The following PALLD variants were observed in gnomAD, a reference collection of about 807,000 sequenced individuals.
PALLD encodes the protein palladin.
PALLD carries 61 observed loss-of-function variants against 123.5 expected under a neutral mutation model. The ratio of observed to expected loss-of-function variants is 0.49; its 90% CI spans 0.40 to 0.61. The LOEUF (loss-of-function observed/expected upper bound fraction) is 0.61, where lower values mean the gene tolerates loss of function less well. Among genes scored for constraint, PALLD ranks in the 20% least tolerant of loss-of-function variants. The probability of loss-of-function intolerance (pLI) is 0.00; values close to 1 mark genes in which losing one functional copy is unlikely to be tolerated. For missense variants in PALLD, 1,273 were observed against 1,377.0 expected, an observed-to-expected ratio of 0.92 and a Z score of 1.20; for synonymous variants, 465 against 496.4, an observed-to-expected ratio of 0.94 and a Z score of 0.84.
chr4:168,877,742 C>A (rs1751951183), intron 10 of PALLD: 1 of 1,160,094 alleles, frequency 8.6e-7, no homozygotes, highest in East Asian at 4.4e-5. Context: ...GAAGCTCCAG[C>A]AACTCCAGAA....
chr4:168,915,951 T>A lies in PALLD; in HGVS notation c.2774T>A (p.Phe925Tyr). The change falls in exon 17 of 22, where the codon TTC becomes TAC. Residue 925 changes from phenylalanine (F) to tyrosine (Y), a missense_variant. Transcript: ENST00000505667. ...GDENEPIQER[F>Y]FRPHFLQAPG... ...GAAAATGAACCAATTCAGGAGCGAT[T>A]CTTCAGACCTCACTTCTTGCAGGCT... 6.2e-7 allele frequency: 1 copy of A among 1,613,130 alleles called. No homozygotes were observed. The highest frequency in any genetic ancestry group is 1.7e-5 in the Admixed American group (1 of 60,028).
At chr4:168,809,232 GA>G (rs1436717920) in intron 10 of PALLD, among the ~76,000 whole-genome samples, 1 of 152,094 alleles carries the variant, frequency 6.6e-6, no homozygotes, top group African/African-American at 2.4e-5. Flanking sequence ...TCTAGCTTCT[GA>G]GAAATTCCCT....
chr4:168,533,312 A>G (rs1764774013), intron 2 of PALLD, among the ~76,000 whole-genome samples: 6 of 152,160 alleles, frequency 3.9e-5, no homozygotes, highest in African/African-American at 1.4e-4. Flanking sequence ...GCTGTTACCT[A>G]ATTAGAATGT....
intron 20 of PALLD, 65 bp from the exon 21 acceptor site, chr4:168,925,148 CAAATCACATTACTCTTTATA>C: frequency 6.3e-7 from 1 of 1,585,034 alleles, no homozygotes; most frequent in Non-Finnish European, 8.7e-7. Flanking sequence ...ATCTGGACAG[CAAATCACATTACTCTTTATA>C]AACAACTATT....
chr4:168,878,275 G>T, intron 10 of PALLD: 1 of 1,526,118 alleles, frequency 6.6e-7, no homozygotes, highest in South Asian at 1.2e-5. Flanking sequence ...ACTGCTCGTC[G>T]CCTGCCACCC....
intron 8 of PALLD, among the ~76,000 whole-genome samples, chr4:168,706,407 G>A (rs986944835): frequency 6.6e-6 from 1 of 152,104 alleles, no homozygotes; most frequent in Admixed American, 6.5e-5. Context: ...GAAAGAATAA[G>A]GTGTGTGTTT....
chr4:168,666,816 G>A (rs1376929413), intron 2 of PALLD, among the ~76,000 whole-genome samples: 1 of 152,138 alleles, frequency 6.6e-6, no homozygotes, highest in Middle Eastern at 3.2e-3. Context: ...GATGGGTGAG[G>A]ATCTGGACTG....
At chr4:168,651,635 C>A (rs1246186974) in intron 2 of PALLD, among the ~76,000 whole-genome samples, 1 of 152,120 alleles carries the variant, frequency 6.6e-6, no homozygotes, top group Non-Finnish European at 1.5e-5. Flanking sequence ...AACCTCTAAT[C>A]CCAGCAGAAT....
intron 10 of PALLD, among the ~76,000 whole-genome samples, chr4:168,726,855 A>G (rs548473341): frequency 1.3e-5 from 2 of 152,182 alleles, no homozygotes; most frequent in African/African-American, 2.4e-5. Flanking sequence ...TCCAATAGGT[A>G]GTTTTTCAAC....
At chr4:168,893,042 A>T (rs1754396992) in intron 11 of PALLD, among the ~76,000 whole-genome samples, 2 of 152,146 alleles carry the variant, frequency 1.3e-5, no homozygotes, top group South Asian at 4.1e-4. Context: ...CAGATGGCAT[A>T]GTGACTTAGA....
chr4:168,896,676 GTTTC>G, intron 13 of PALLD, 77 bp downstream of exon 13: 1 of 800,800 alleles, frequency 1.2e-6, no homozygotes, highest in South Asian at 1.6e-5. Flanking sequence ...TTTTACGTGT[GTTTC>G]TATCTTTTCT....
intron 2 of PALLD, among the ~76,000 whole-genome samples, chr4:168,614,528 C>T (rs1774033940): frequency 6.6e-6 from 1 of 152,024 alleles, no homozygotes; most frequent in Non-Finnish European, 1.5e-5. Flanking sequence ...ACAAATGGGA[C>T]TCTGATTAAA....
chr4:168,590,871 T>G (rs957659472), intron 2 of PALLD, among the ~76,000 whole-genome samples: 4 of 131,322 alleles, frequency 3.0e-5, no homozygotes, highest in South Asian at 5.6e-4. Flanking sequence ...AAAGTTTTTT[T>G]TTTTTTTTTT....
chr4:168,585,268 G>A (rs1014657308), intron 2 of PALLD, among the ~76,000 whole-genome samples: 1 of 150,528 alleles, frequency 6.6e-6, no homozygotes, highest in African/African-American at 2.5e-5. Flanking sequence ...TATGAGTAGT[G>A]TGTGTGTGTG....
chr4:168,707,572 G>A (rs570433286), intron 8 of PALLD, among the ~76,000 whole-genome samples: 2 of 152,286 alleles, frequency 1.3e-5, no homozygotes, highest in South Asian at 4.1e-4. Flanking sequence ...CAAGGATTTG[G>A]CTCAGAATTG....
intron 21 of PALLD, among the ~76,000 whole-genome samples, chr4:168,925,843 C>T (rs1032555338): frequency 6.6e-6 from 1 of 152,152 alleles, no homozygotes; most frequent in Non-Finnish European, 1.5e-5. Flanking sequence ...CATCCACATC[C>T]AGCAGAATTC....
chr4:168,809,520 A>G (rs1351668775), intron 10 of PALLD, among the ~76,000 whole-genome samples: 3 of 152,136 alleles, frequency 2.0e-5, no homozygotes, highest in East Asian at 1.9e-4. Flanking sequence ...TCTTAGACTG[A>G]GAAGAGAGGA....
chr4:168,828,285 G>A lies in PALLD; in HGVS notation c.1965-62637G>A, dbSNP rs370978360. On this transcript the variant is annotated intron_variant, in intron 10 of 21. Coordinates refer to ENST00000505667, the MANE Select transcript of PALLD (RefSeq NM_001166108.2). ...GAAGATATATTAATATTCCTTTGCT[G>A]CTACATGGAAATAAAATAAATGAAA... Among the ~76,000 whole-genome samples, 41 of 152,274 alleles carry A rather than the reference G, an allele frequency of 2.7e-4. 1 individual carries two copies. The South Asian group carries it at 8.3e-3, about 31-fold the overall frequency.
intron 10 of PALLD, among the ~76,000 whole-genome samples, chr4:168,798,201 T>C (rs1325599715): frequency 1.3e-5 from 2 of 152,142 alleles, no homozygotes; most frequent in African/African-American, 2.4e-5. Flanking sequence ...GCCTCCCCAG[T>C]TGGGGAGCCT....
Sources: gnomAD v4.1 joint callset for allele counts (sites outside exome capture counted in the v4.1 genomes callset) on GRCh38, gnomAD v4.1.1 for gene constraint, MANE v1.5 for transcripts, NCBI Gene and HGNC (gene_info 2026-07-23, HGNC 2026-07-21) for gene names.